DPP9: variants seen among roughly 807,000 people sequenced by gnomAD.
DPP9 encodes the protein dipeptidyl peptidase IV-related protein-2.
Under a neutral mutation model 110.7 loss-of-function variants are expected in DPP9, and 50 were observed. The observed-to-expected ratio is 0.45, with a 90% confidence interval of 0.36 to 0.57. The LOEUF is 0.57. Ranked by LOEUF, DPP9 falls within the 20% of genes least tolerant of loss-of-function variation. The probability of loss-of-function intolerance (pLI) is 0.00; values close to 1 mark genes in which losing one functional copy is unlikely to be tolerated. For missense variants in DPP9, 1,022 were observed against 1,217.9 expected (o/e 0.84, Z 2.39); for synonymous variants, 561 against 514.4 (o/e 1.09, Z -1.23).
Position 4,695,591 on chromosome 19 carries a change from G to A in DPP9, c.1176-36C>T, listed in dbSNP as rs972093888. On this transcript the variant is annotated intron_variant, in intron 11 of 21. Transcript: ENST00000262960. The surrounding 1 kb of genome is among the most constrained non-coding windows in gnomAD (Gnocchi z 4.7). ...AGATGCGGGGGAAGATGAGAGGGAA[G>A]CTGGGAGCCTCAGTGGCCTGCACAG... The A allele has an allele frequency of 4.9e-6, 7 of 1,435,726 alleles. No homozygotes were observed. The highest frequency in any genetic ancestry group is 2.9e-5 in the Admixed American group (1 of 34,268). 88.9% of individuals were successfully genotyped at this position (1,435,726 alleles called of 1,614,324 possible).
chr19:4,683,559 A>C lies in DPP9; in HGVS notation c.2249T>G (p.Leu750Arg). 1.9e-6 allele frequency: 3 copies of C among 1,613,428 alleles called. No homozygotes were observed. The highest frequency in any genetic ancestry group is 1.7e-5 in the Admixed American group (1 of 60,022). ...CCAGCCATGGATGGCAACTCGGCTC[A>C]GGTCGATGAAGCCATACTTCTCGGC... is the stretch of plus-strand genomic sequence containing the variant. ...FVAEKYGFID[L>R]SRVAIHGWSY... Residue 750 changes from leucine to arginine, a missense_variant, in exon 19 of 22, where the codon CTG becomes CGG. By Grantham distance (102) the Leu-to-Arg change is moderately radical (BLOSUM62 -2). Around this residue, in one of 3 missense-constraint regions of DPP9, gnomAD observed 209 missense variants for 280.4 expected, o/e 0.75. Transcript: ENST00000262960.
chr19:4,690,738 T>G, intron 14 of DPP9, 140 bp downstream of exon 14: 1 of 707,492 alleles, frequency 1.4e-6, no homozygotes. Context: ...TCCTCACAGG[T>G]GTGTGTGCGT....
rs559024100 is a variant in DPP9, at chr19:4,684,895, G to C, written c.2032-86C>G. 2.0e-6 allele frequency: 3 copies of C among 1,512,990 alleles called. No individual in the cohort carries two copies. Among genetic ancestry groups the C allele is most frequent in the East Asian group, 2.5e-5 (1 of 40,726 alleles). 93.7% of individuals were successfully genotyped at this position (1,512,990 alleles called of 1,614,324 possible). ...GGGAGATGCCGGTGGGCTGGGGACC[G>C]GGCCGGGCTGGGGCCTCAGAGCCTA... On this transcript the variant is annotated intron_variant, in intron 17 of 21. Transcript: ENST00000262960. The surrounding 1 kb of genome is among the most constrained non-coding windows in gnomAD (Gnocchi z 4.8).
chr19:4,697,755 A>G, intron 10 of DPP9, 104 bp from the exon 11 acceptor site: 1 of 879,932 alleles, frequency 1.1e-6, no homozygotes, highest in Non-Finnish European at 1.8e-6. Flanking sequence ...CCAAATTCAT[A>G]TGCTGGAGTC....
At chr19:4,708,046 A>G (rs1269340633) in intron 4 of DPP9, among the ~76,000 whole-genome samples, 1 of 152,142 alleles carries the variant, frequency 6.6e-6, no homozygotes, top group Non-Finnish European at 1.5e-5. Flanking sequence ...AGGGTCCTCC[A>G]GTTCCTCCTG....
rs1310881290 is a variant in DPP9 at position 4,684,792 on chromosome 19, G to A, written c.2049C>T (p.Asn683=). The A allele has an allele frequency of 6.3e-7, 1 of 1,597,518 alleles. No homozygotes were observed. The highest frequency in any genetic ancestry group is 8.5e-7 in the Non-Finnish European group (1 of 1,172,694). The change falls in exon 18 of 22, where the codon AAC becomes AAT. Residue 683 remains asparagine (N), a synonymous_variant. Coordinates refer to ENST00000262960, the MANE Select transcript of DPP9 (RefSeq NM_139159.5). This position sits in a 1 kb window ranked among gnomAD's most constrained non-coding sequence, Gnocchi z 4.8. ...YGGPQVQLVN[N]SFKGIKYLRL... ...GCAAGTACTTGATGCCTTTGAAGGA[G>A]TTATTCACCAGCTGCACCTGTGGGG... is the stretch of plus-strand genomic sequence containing the variant.
Position 4,682,555 on chromosome 19 carries a change from A to G in DPP9, c.2474+141T>C. On this transcript the variant is annotated intron_variant, in intron 20 of 21. Coordinates refer to ENST00000262960, the MANE Select transcript of DPP9 (RefSeq NM_139159.5). The surrounding 1 kb of genome is among the most constrained non-coding windows in gnomAD (Gnocchi z 7.1). ...ACATGCAGGCAGACGCCACCACAGG[A>G]GCACAGCGGGGAGGCTCCACATGGC... The G allele has an allele frequency of 7.9e-7, 1 of 1,272,288 alleles. No homozygotes were observed. The highest frequency in any genetic ancestry group is 1.4e-5 in the South Asian group (1 of 69,882). 78.8% of individuals were successfully genotyped at this position (1,272,288 alleles called of 1,614,324 possible). A position where few individuals can be genotyped will look rare whatever the true frequency, so the allele number is the denominator to read the frequency against.
Position 4,705,923 on chromosome 19 carries a change from G to C in DPP9, c.361C>G (p.Pro121Ala). 6.2e-7 allele frequency: 1 copy of C among 1,613,960 alleles called. No individual in the cohort carries two copies. The highest frequency in any genetic ancestry group is 1.1e-5 in the South Asian group (1 of 91,080). ...RENSLLYSEIPKKVRKEALLL... is the reference protein window; with the variant it reads ...RENSLLYSEIAKKVRKEALLL... ...AGAGCCTCTTTCCGGACCTTCTTGGGAATCTCAGAGTAGAGGAGGGAGTTC... is the reference window on the plus strand; with the variant it reads ...AGAGCCTCTTTCCGGACCTTCTTGGCAATCTCAGAGTAGAGGAGGGAGTTC... Residue 121 changes from proline (P) to alanine (A), a missense_variant, in exon 5 of 22, where the codon CCC becomes GCC. Coordinates refer to ENST00000262960, the MANE Select transcript of DPP9 (RefSeq NM_139159.5).
Position 4,687,377 on chromosome 19 carries a change from C to T in DPP9, c.1885+1380G>A, listed in dbSNP as rs942908047. ...CTGGGAGCCCAGCAGTGTGCTGACC[C>T]GCTGGTTTTCATCCCACACTCTGTA... On this transcript the variant is annotated intron_variant, in intron 16 of 21. Transcript: ENST00000262960. This position sits in a 1 kb window ranked among gnomAD's most constrained non-coding sequence, Gnocchi z 4.7. Among the ~76,000 whole-genome samples, 3 of 152,202 alleles carry T rather than the reference C, an allele frequency of 2.0e-5. No individual in the cohort carries two copies. The highest frequency in any genetic ancestry group is 4.4e-5 in the Non-Finnish European group (3 of 68,038).
intron 14 of DPP9, among the ~76,000 whole-genome samples, chr19:4,690,177 A>C (rs2091185177): frequency 6.6e-6 from 1 of 152,218 alleles, no homozygotes. Flanking sequence ...TAGGCCCCGA[A>C]GTGGTGTCTC....
chr19:4,695,524 G>T lies in DPP9; in HGVS notation c.1207C>A (p.Gln403Lys). The change falls in exon 12 of 22, where the codon CAG becomes AAG. Residue 403 changes from glutamine to lysine, a missense_variant. Physicochemically the swap from Gln to Lys is moderately conservative, Grantham distance 53. Coordinates refer to ENST00000262960, the MANE Select transcript of DPP9 (RefSeq NM_139159.5). The surrounding 1 kb of genome is among the most constrained non-coding windows in gnomAD (Gnocchi z 4.7). The part of the protein sequence containing the change: ...AWAMFLDRPQ[Q>K]WLQLVLLPPA... Reference sequence around the variant, plus strand: ...GGGAGGAGGACGAGCTGGAGCCACTGCTGGGGCCGGTCCAGGAACATGGCC... The same window carrying T: ...GGGAGGAGGACGAGCTGGAGCCACTTCTGGGGCCGGTCCAGGAACATGGCC... 1 of 1,524,214 alleles carries T rather than the reference G, an allele frequency of 6.6e-7. No individual in the cohort carries two copies. Among genetic ancestry groups the T allele is most frequent in the Non-Finnish European group, 8.8e-7 (1 of 1,138,828 alleles). 94.4% of individuals were successfully genotyped at this position (1,524,214 alleles called of 1,614,324 possible). A position where few individuals can be genotyped will look rare whatever the true frequency, so the allele number is the denominator to read the frequency against.
In DPP9 at chr19:4,682,633, C is replaced by G; in HGVS notation, c.2474+63G>C. The stretch of plus-strand genomic sequence containing the variant: ...GGGCAGGAGGGCACCCTCATAGAGA[C>G]AGCTGGTGCCGGGGTGCAGGAGAAG... On this transcript the variant is annotated intron_variant, in intron 20 of 21. Transcript: ENST00000262960. The surrounding 1 kb of genome is among the most constrained non-coding windows in gnomAD (Gnocchi z 7.1). 2.5e-6 allele frequency: 4 copies of G among 1,576,614 alleles called. No individual in the cohort carries two copies. Among genetic ancestry groups the G allele is most frequent in the Non-Finnish European group, 3.4e-6 (4 of 1,162,356 alleles).
rs1321812107 is a variant in DPP9 at position 4,705,989 on chromosome 19, C to T, written c.314-19G>A. ...GGCATTCCTAAAGGGAGAAAGGAAA[C>T]ACCCAGAACGGGTACCCTGGCTCAG... On this transcript the variant is annotated intron_variant, in intron 4 of 21. Coordinates refer to ENST00000262960, the MANE Select transcript of DPP9 (RefSeq NM_139159.5). The T allele has an allele frequency of 1.2e-6, 2 of 1,607,008 alleles. No individual in the cohort carries two copies. Among genetic ancestry groups the T allele is most frequent in the Non-Finnish European group, 1.7e-6 (2 of 1,174,580 alleles).
rs1448604294 is a variant in DPP9 at position 4,687,629 on chromosome 19, G to A, written c.1885+1128C>T. 6.6e-6 allele frequency among the ~76,000 whole-genome samples: 1 copy of A among 152,070 alleles called. No homozygotes were observed. The highest frequency in any genetic ancestry group is 1.5e-5 in the Non-Finnish European group (1 of 68,026). On this transcript the variant is annotated intron_variant, in intron 16 of 21. Coordinates refer to ENST00000262960, the MANE Select transcript of DPP9 (RefSeq NM_139159.5). The surrounding 1 kb of genome is among the most constrained non-coding windows in gnomAD (Gnocchi z 4.7). The stretch of plus-strand genomic sequence containing the variant: ...GCTCTGAGCAGGTGCTGCTGTGGGC[G>A]GCAGCCTCTGGGCACAGGACACCAT...
At position 4,704,760 on chromosome 19, in the gene DPP9, G is replaced by A. The variant is rs2092489199; in HGVS notation, c.427-456C>T. On this transcript the variant is annotated intron_variant, in intron 5 of 21. Transcript: ENST00000262960. This position sits in a 1 kb window ranked among gnomAD's most constrained non-coding sequence, Gnocchi z 6.0. ...TCAATTTCGTAATCCCAGCACTTTG[G>A]GAGGCCGAGGTGGGCAGATCACGAG... Among the ~76,000 whole-genome samples, 1 of 152,184 alleles carries A rather than the reference G, an allele frequency of 6.6e-6. No homozygotes were observed. Among genetic ancestry groups the A allele is most frequent in the African/African-American group, 2.4e-5 (1 of 41,454 alleles).
intron 2 of DPP9, among the ~76,000 whole-genome samples, chr19:4,721,072 G>A (rs959324684): frequency 6.6e-6 from 1 of 152,160 alleles, no homozygotes; most frequent in Admixed American, 6.5e-5. Context: ...GGCCCCCCCA[G>A]GGGACATTTT....
In DPP9 at chr19:4,680,042, C is replaced by T. The variant is rs909765826; in HGVS notation, c.2475-96G>A. On this transcript the variant is annotated intron_variant, in intron 20 of 21. Transcript: ENST00000262960. Reference sequence around the variant, plus strand: ...GTCAGGAGTTTGAGACCAGCCTGGCCAACATGGTGAAACCCTGTCTCTACT... The same window carrying T: ...GTCAGGAGTTTGAGACCAGCCTGGCTAACATGGTGAAACCCTGTCTCTACT... 27 of 823,706 alleles carry T rather than the reference C, an allele frequency of 3.3e-5. 1 individual carries two copies. In the South Asian group the frequency reaches 3.5e-4, roughly 11 times the overall value. The allele number at this position is 823,706 out of a possible 1,614,324, so 51.0% of individuals were successfully genotyped here.
intron 21 of DPP9, 200 bp downstream of exon 21, chr19:4,679,635 C>T (rs2089508792): frequency 3.5e-6 from 2 of 572,430 alleles, no homozygotes; most frequent in Non-Finnish European, 6.2e-6. Context: ...GAACCCTGAG[C>T]TGTCAAGACA....
intron 3 of DPP9, chr19:4,717,584 T>C (rs1340200643): frequency 6.6e-6 from 1 of 152,240 alleles, no homozygotes; most frequent in Non-Finnish European, 1.5e-5. Flanking sequence ...TGGCTTGTTT[T>C]CATTGCAAAG....
Sources: gnomAD v4.1 joint callset for allele counts (sites outside exome capture counted in the v4.1 genomes callset) on GRCh38, gnomAD v4.1.1 for gene constraint, gnomAD v4.1.1 regional missense constraint, Gnocchi (gnomAD v3.1) non-coding constraint, MANE v1.5 for transcripts, NCBI Gene and HGNC (gene_info 2026-07-23, HGNC 2026-07-21) for gene names.